Variants in PCDH15 observed in about 807,000 individuals in gnomAD.
PCDH15 encodes protocadherin-15.
PCDH15 carries 129 observed loss-of-function variants against 178.5 expected under a neutral mutation model. The ratio of observed to expected loss-of-function variants is 0.72; its 90% confidence interval spans 0.63 to 0.84. PCDH15 has a LOEUF of 0.84. Ranked by LOEUF, PCDH15 falls within the 40% of genes least tolerant of loss-of-function variation. PCDH15 has a pLI of 0.00. For missense variants in PCDH15, 2,230 were observed against 2,099.9 expected (o/e 1.06, Z -1.21); for synonymous variants, 800 against 732.0 (o/e 1.09, Z -1.50).
At chr10:54,133,312 G>T (rs1033825946) in intron 14 of PCDH15, among the ~76,000 whole-genome samples, 1 of 152,138 alleles carries the variant, frequency 6.6e-6, no homozygotes, top group African/African-American at 2.4e-5. Context: ...TTCTGACTTT[G>T]TTTTTAATGC....
At chr10:54,736,553 C>T (rs2132730396) in intron 1 of PCDH15, among the ~76,000 whole-genome samples, 1 of 152,138 alleles carries the variant, frequency 6.6e-6, no homozygotes. Flanking sequence ...AAATAAAATT[C>T]ATGTTTCTAA....
chr10:55,599,926 C>G (rs182395454), intron 2 of PCDH15: 1 of 1,527,870 alleles, frequency 6.5e-7, no homozygotes, highest in East Asian at 2.5e-5. Context: ...TTAGCTGTCT[C>G]TTACTTTCAA....
intron 15 of PCDH15, among the ~76,000 whole-genome samples, chr10:54,092,685 T>C (rs2094620182): frequency 6.6e-6 from 1 of 152,136 alleles, no homozygotes; most frequent in Non-Finnish European, 1.5e-5. Flanking sequence ...TATTTTTCCC[T>C]TGCATTCTGT....
chr10:55,221,362 TA>T (rs1027022138), intron 1 of PCDH15, among the ~76,000 whole-genome samples: 3 of 152,128 alleles, frequency 2.0e-5, no homozygotes, highest in African/African-American at 7.2e-5. Context: ...TTTACTGATA[TA>T]AAAATATGTA....
At chr10:53,810,441 G>T in intron 37 of PCDH15, 115 bp downstream of exon 37, 1 of 865,604 alleles carries the variant, frequency 1.2e-6, no homozygotes, top group Non-Finnish European at 1.9e-6. Context: ...TGGGAAATAC[G>T]TACTAAGTGA....
chr10:54,156,238 C>T (rs1314922381), intron 13 of PCDH15, among the ~76,000 whole-genome samples: 3 of 151,950 alleles, frequency 2.0e-5, no homozygotes, highest in African/African-American at 7.3e-5. Context: ...TAATTCCTTC[C>T]TCTCAGTGTT....
chr10:54,463,420 T>C (rs1023007662), intron 3 of PCDH15, among the ~76,000 whole-genome samples: 2 of 152,120 alleles, frequency 1.3e-5, no homozygotes, highest in Non-Finnish European at 2.9e-5. Flanking sequence ...TAAGGATAGA[T>C]GACTTATCCA....
rs753562416 is a variant in PCDH15, at chr10:53,822,445, CAGGAGGAGGAGAAGGAGGAGAAAT to C, written c.4368-2239_4368-2216del. 8.8e-6 allele frequency: 14 copies of C among 1,591,266 alleles called. No individual in the cohort carries two copies. Among genetic ancestry groups the C allele is most frequent in the Admixed American group, 7.0e-5 (4 of 57,494 alleles). ...GGAGGAGGAGCAAGAGGAGCAGGAG[CAGGAGGAGGAGAAGGAGGAGAAAT>C]AGGAGGAGGAGGGGGAAGGGGACAG... is the stretch of plus-strand genomic sequence containing the variant. On this transcript the variant is annotated intron_variant, in intron 32 of 37. Transcript: ENST00000644397.
chr10:54,398,279 C>A (rs1039121020), intron 3 of PCDH15, among the ~76,000 whole-genome samples: 5 of 151,372 alleles, frequency 3.3e-5, no homozygotes, highest in Admixed American at 6.6e-5. Flanking sequence ...AGAAAATAAG[C>A]CTTTAAGTGA....
intron 2 of PCDH15, among the ~76,000 whole-genome samples, chr10:55,027,130 G>C (rs1023195398): frequency 7.3e-6 from 1 of 137,484 alleles, no homozygotes; most frequent in African/African-American, 2.7e-5. Context: ...TTTTAAAATA[G>C]TTTTTAAATC....
chr10:54,825,873 G>A (rs1053489595), intron 3 of PCDH15, among the ~76,000 whole-genome samples: 9 of 151,974 alleles, frequency 5.9e-5, no homozygotes, highest in Non-Finnish European at 1.2e-4. Flanking sequence ...GATCCATAGT[G>A]CACTTAAACA....
At chr10:54,319,061 C>T (rs1231662232) in intron 7 of PCDH15, among the ~76,000 whole-genome samples, 4 of 152,122 alleles carry the variant, frequency 2.6e-5, no homozygotes, top group African/African-American at 9.7e-5. Flanking sequence ...TAAGTCATTT[C>T]CATGAAGAAC....
upstream of PCDH15, among the ~76,000 whole-genome samples, chr10:54,802,220 C>A (rs1357082091): frequency 6.6e-6 from 1 of 152,128 alleles, no homozygotes; most frequent in East Asian, 1.9e-4. Flanking sequence ...AAAAAGAAAA[C>A]CATGCCTCCA....
chr10:54,761,564 T>C (rs1212778731), intron 1 of PCDH15, among the ~76,000 whole-genome samples: 1 of 151,976 alleles, frequency 6.6e-6, no homozygotes, highest in East Asian at 1.9e-4. Context: ...ACATTTGTAA[T>C]CCAAGCTACT....
chr10:54,433,764 T>G (rs2075180134), intron 3 of PCDH15, among the ~76,000 whole-genome samples: 1 of 152,138 alleles, frequency 6.6e-6, no homozygotes, highest in African/African-American at 2.4e-5. Flanking sequence ...CATGAGGTGA[T>G]TTTTACATAT....
At chr10:53,989,192 CCTG>C (rs1187385877) in intron 21 of PCDH15, among the ~76,000 whole-genome samples, 1 of 152,034 alleles carries the variant, frequency 6.6e-6, no homozygotes, top group Non-Finnish European at 1.5e-5. Context: ...AGTCTGTTTA[CCTG>C]CTAAGTATCT....
chr10:54,483,904 T>A (rs1188230767), intron 3 of PCDH15, among the ~76,000 whole-genome samples: 1 of 151,918 alleles, frequency 6.6e-6, no homozygotes, highest in Non-Finnish European at 1.5e-5. Flanking sequence ...ATTTCAGTGA[T>A]GCACTTAGTA....
chr10:54,022,843 C>T (rs752132250), intron 19 of PCDH15, 49 bp downstream of exon 19: 1 of 1,598,294 alleles, frequency 6.3e-7, no homozygotes, highest in Non-Finnish European at 8.6e-7. Flanking sequence ...ACCCTAATAG[C>T]AAATCTCCTA....
At chr10:54,197,378 T>C (rs2049784528) in intron 10 of PCDH15, among the ~76,000 whole-genome samples, 1 of 152,098 alleles carries the variant, frequency 6.6e-6, no homozygotes, top group Non-Finnish European at 1.5e-5. Context: ...GAAGATTTCA[T>C]CACAATTGAC....
Sources: allele counts gnomAD v4.1 joint callset (sites outside exome capture counted in the v4.1 genomes callset), GRCh38; gene constraint gnomAD v4.1.1; transcripts MANE v1.5; gene names NCBI Gene and HGNC (gene_info 2026-07-23, HGNC 2026-07-21).